ZBTB16: variants seen among roughly 807,000 people sequenced by gnomAD.
The protein encoded by ZBTB16 is zinc finger and BTB domain containing 16.
ZBTB16 carries 8 observed loss-of-function variants against 56.8 expected under a neutral mutation model. The observed-to-expected ratio is 0.14, with a 90% CI of 0.08 to 0.25. The LOEUF is 0.25. ZBTB16 is among the 10% of genes least tolerant of loss of function. The pLI is 1.00. For missense variants in ZBTB16, 625 were observed against 903.0 expected (o/e 0.69, Z 3.95); for synonymous variants, 363 against 368.5 (o/e 0.98, Z 0.17).
intron 2 of ZBTB16, among the ~76,000 whole-genome samples, chr11:114,155,514 G>A (rs1057494337): frequency 6.6e-6 from 1 of 152,172 alleles, no homozygotes; most frequent in Non-Finnish European, 1.5e-5. Flanking sequence ...GCCTGTGACC[G>A]GTTGTTACTG....
At chr11:114,174,416 C>G (rs542840232) in intron 3 of ZBTB16, among the ~76,000 whole-genome samples, 1 of 151,994 alleles carries the variant, frequency 6.6e-6, no homozygotes, top group East Asian at 1.9e-4. Context: ...CATGGTGTCT[C>G]CTGCCTGTAA....
chr11:114,106,805 A>G (rs238923), intron 2 of ZBTB16, among the ~76,000 whole-genome samples: 11,181 of 152,110 alleles, frequency 0.074, 511 homozygotes, highest in African/African-American at 0.11. Context: ...AAAGAAATCT[A>G]GCTCTTTTTC....
intron 5 of ZBTB16, among the ~76,000 whole-genome samples, chr11:114,243,678 A>G (rs1398735156): frequency 6.6e-6 from 1 of 152,216 alleles, no homozygotes; most frequent in Non-Finnish European, 1.5e-5. Context: ...CCCTGCAGCT[A>G]TATGCACCTT....
At chr11:114,081,575 T>C (rs1939759920) in intron 2 of ZBTB16, among the ~76,000 whole-genome samples, 1 of 152,154 alleles carries the variant, frequency 6.6e-6, no homozygotes, top group Non-Finnish European at 1.5e-5. Flanking sequence ...ATGAGCAAGA[T>C]AGACAAGACG....
At position 114,143,981 on chromosome 11, in the gene ZBTB16, A is replaced by G. The variant is rs1465447176; in HGVS notation, c.1269-12356A>G. 6.6e-6 allele frequency among the ~76,000 whole-genome samples: 1 copy of G among 152,180 alleles called. No homozygotes were observed. Reference sequence around the variant, plus strand: ...TCGGGAGCCTTGCGTGTAAGGAGCAAGAGGAGCACGCAAGCTGCCTGGTGC... The same window carrying G: ...TCGGGAGCCTTGCGTGTAAGGAGCAGGAGGAGCACGCAAGCTGCCTGGTGC... On this transcript the variant is annotated intron_variant, in intron 2 of 6. Coordinates refer to ENST00000335953, the MANE Select transcript of ZBTB16 (RefSeq NM_006006.6). This position sits in a 1 kb window ranked among gnomAD's most constrained non-coding sequence, Gnocchi z 6.4.
chr11:114,165,654 T>C (rs1343199697), intron 3 of ZBTB16, among the ~76,000 whole-genome samples: 4 of 152,206 alleles, frequency 2.6e-5, no homozygotes, highest in Non-Finnish European at 5.9e-5. Context: ...TACCAGGTGT[T>C]AGAGCCTCTC....
intron 2 of ZBTB16, among the ~76,000 whole-genome samples, chr11:114,089,963 T>C (rs1406324872): frequency 6.6e-6 from 1 of 152,216 alleles, no homozygotes; most frequent in African/African-American, 2.4e-5. Context: ...AGGAAGCTGC[T>C]GATTCTGGGT....
intron 2 of ZBTB16, among the ~76,000 whole-genome samples, chr11:114,111,658 A>G (rs1941009184): frequency 6.6e-6 from 1 of 152,236 alleles, no homozygotes. Flanking sequence ...ATGTCCTATG[A>G]AGGGCTGAGA....
At chr11:114,155,178 A>C (rs575244959) in intron 2 of ZBTB16, among the ~76,000 whole-genome samples, 3 of 152,084 alleles carry the variant, frequency 2.0e-5, no homozygotes, top group Non-Finnish European at 2.9e-5. Flanking sequence ...TGCCTGCCCC[A>C]CCGCCCACAG....
At chr11:114,081,335 T>G in intron 2 of ZBTB16, among the ~76,000 whole-genome samples, 1 of 152,120 alleles carries the variant, frequency 6.6e-6, no homozygotes, top group East Asian at 1.9e-4. Context: ...ATGTTGGGGG[T>G]TTTGAGACCC....
intron 3 of ZBTB16, among the ~76,000 whole-genome samples, chr11:114,184,376 AAATTTCTAGAAAAGTAGTGGAGTC>A (rs1361976172): frequency 6.6e-6 from 1 of 152,236 alleles, no homozygotes; most frequent in Admixed American, 6.5e-5. Context: ...AGAGGTTTTC[AAATTTCTAGAAAAGTAGTGGAGTC>A]ATTTTTCCAA....
Position 114,117,223 on chromosome 11 carries a change from A to C in ZBTB16, c.1269-39114A>C, listed in dbSNP as rs76153612. Among the ~76,000 whole-genome samples the C allele has an allele frequency of 7.4e-3, 1,127 of 152,034 alleles. 21 individuals carry two copies. The highest frequency in any genetic ancestry group is 0.024 in the African/African-American group (1,011 of 41,392). On this transcript the variant is annotated intron_variant, in intron 2 of 6. Transcript: ENST00000335953. ...GAGATGTATAAAGAGGTTGGTAGAG[A>C]TAGTAGCTGGAGGTATGGTTGTGAG... is the stretch of plus-strand genomic sequence containing the variant.
At chr11:114,145,439 A>T (rs1223997019) in intron 2 of ZBTB16, among the ~76,000 whole-genome samples, 1 of 152,250 alleles carries the variant, frequency 6.6e-6, no homozygotes, top group Admixed American at 6.5e-5. Flanking sequence ...ATGAATGGAT[A>T]AACAAAGTAT....
chr11:114,064,127 G>T lies in ZBTB16; in HGVS notation c.827G>T (p.Gly276Val). 2 of 1,613,912 alleles carry T rather than the reference G, an allele frequency of 1.2e-6. No individual in the cohort carries two copies. The highest frequency in any genetic ancestry group is 1.7e-5 in the Admixed American group (1 of 60,020). The part of the protein sequence containing the change: ...GGMGDKVEER[G>V]KEGPGTPTRS... Reference sequence around the variant, plus strand: ...ATGGGGGACAAGGTTGAGGAAAGAGGCAAAGAGGGGCCTGGGACCCCGACT... The same window carrying T: ...ATGGGGGACAAGGTTGAGGAAAGAGTCAAAGAGGGGCCTGGGACCCCGACT... Residue 276 changes from glycine (G) to valine (V), a missense_variant, in exon 2 of 7, where the codon GGC (glycine) becomes GTC (valine). By Grantham distance (109) the Gly-to-Val change is moderately radical. Transcript: ENST00000335953. This position sits in a 1 kb window ranked among gnomAD's most constrained non-coding sequence, Gnocchi z 4.2.
intron 2 of ZBTB16, among the ~76,000 whole-genome samples, chr11:114,074,401 T>C (rs1939462026): frequency 1.3e-5 from 2 of 152,200 alleles, no homozygotes; most frequent in South Asian, 4.1e-4. Flanking sequence ...GGGGGAGCTT[T>C]TTATGGTAGC....
At chr11:114,189,670 G>C (rs1424413659) in intron 4 of ZBTB16, 2 of 151,900 alleles carry the variant, frequency 1.3e-5, no homozygotes, top group Non-Finnish European at 2.9e-5. Flanking sequence ...GGAGGCTGAG[G>C]CAGGAGAATC....
intron 2 of ZBTB16, among the ~76,000 whole-genome samples, chr11:114,105,396 C>T (rs1008136348): frequency 7.9e-5 from 12 of 152,072 alleles, no homozygotes; most frequent in Admixed American, 2.6e-4. Context: ...ATTGCCACTA[C>T]GCCCAGCTAA....
chr11:114,088,846 C>T (rs566992889), intron 2 of ZBTB16, among the ~76,000 whole-genome samples: 14 of 152,316 alleles, frequency 9.2e-5, no homozygotes, highest in African/African-American at 3.1e-4. Context: ...TAATTGGCAT[C>T]TTTATTGTGG....
intron 2 of ZBTB16, among the ~76,000 whole-genome samples, chr11:114,089,371 C>T (rs576193407): frequency 2.0e-5 from 3 of 152,282 alleles, no homozygotes; most frequent in East Asian, 1.9e-4. Context: ...ATTTGGTTAA[C>T]CCAGTTGTTA....
Sources: allele counts gnomAD v4.1 joint callset (sites outside exome capture counted in the v4.1 genomes callset), GRCh38; gene constraint gnomAD v4.1.1; non-coding constraint Gnocchi (gnomAD v3.1); transcripts MANE v1.5; gene names NCBI Gene and HGNC (gene_info 2026-07-23, HGNC 2026-07-21).